The following RHBDD3 variants were observed in gnomAD, a reference collection of about 807,000 sequenced individuals.
The protein encoded by RHBDD3 is rhomboid domain-containing protein 3.
A neutral mutation model predicts 32.3 loss-of-function variants in RHBDD3; 34 were observed. That is an observed-to-expected ratio of 1.05 (90% confidence interval 0.80 to 1.40). The LOEUF (loss-of-function observed/expected upper bound fraction) is 1.40. RHBDD3 is among the 40% of genes most tolerant of loss of function. The pLI, the probability that RHBDD3 is intolerant of heterozygous loss-of-function variation, is 0.00. For missense variants in RHBDD3, 482 were observed against 492.6 expected (o/e 0.98, Z 0.20); for synonymous variants, 249 against 239.1 (o/e 1.04, Z -0.38).
chr22:29,265,712 T>C (rs2058169055), intron 2 of RHBDD3, 44 bp from the exon 3 acceptor site: 4 of 1,475,238 alleles, frequency 2.7e-6, no homozygotes, highest in Non-Finnish European at 3.6e-6. Context: ...CTGGAGCTTT[T>C]ATCTCACCAA....
chr22:29,261,320 C>A (rs994744429), intron 4 of RHBDD3: 1 of 472,260 alleles, frequency 2.1e-6, no homozygotes, highest in East Asian at 6.9e-5. Flanking sequence ...TAGGGCTGGA[C>A]GCAGTGGCTC....
Position 29,260,839 on chromosome 22 carries a change from C to T in RHBDD3, c.558G>A (p.Leu186=). Residue 186 remains leucine, a synonymous_variant, in exon 5 of 7, where the codon CTG becomes CTA. Transcript: ENST00000216085. ...CCTGCAGCCGTCGCTCTGAGGGTTC[C>T]AGCCACCGGAAGGCCCCAGCTGCAT... ...LAYAAGAFRW[L]EPSERRLQVL... 1 of 1,598,322 alleles carries T rather than the reference C, an allele frequency of 6.3e-7. No homozygotes were observed.
chr22:29,263,814 C>G, intron 4 of RHBDD3, 21 bp downstream of exon 4: 1 of 1,501,218 alleles, frequency 6.7e-7, no homozygotes, highest in Admixed American at 2.2e-5. Context: ...CCCACGGGCC[C>G]TGGGCTCAGG....
rs2058150857 is a variant in RHBDD3 at position 29,264,113 on chromosome 22, C to T, written c.254G>A (p.Gly85Asp). Residue 85 changes from glycine to aspartate, a missense_variant, in exon 4 of 7, where the codon GGC becomes GAC. Coordinates refer to ENST00000216085, the MANE Select transcript of RHBDD3 (RefSeq NM_012265.3). Reference sequence around the variant, plus strand: ...TGAGGCATGCAGGAATCTCAGCGTGCCCAGGTGGCACTCCTGCTGCCAGCC... The same window carrying T: ...TGAGGCATGCAGGAATCTCAGCGTGTCCAGGTGGCACTCCTGCTGCCAGCC... ...TVGWQQECHL[G>D]TLRFLHASAL... is the part of the protein sequence containing the mutation. The T allele has an allele frequency of 6.9e-6, 11 of 1,585,730 alleles. No homozygotes were observed. The highest frequency in any genetic ancestry group is 1.3e-5 in the African/African-American group (1 of 74,610).
At chr22:29,265,771 C>A (rs2058169684) in intron 2 of RHBDD3, 103 bp from the exon 3 acceptor site, 4 of 1,213,246 alleles carry the variant, frequency 3.3e-6, no homozygotes, top group Non-Finnish European at 4.4e-6. Context: ...GAGGTGGAAA[C>A]AGGCTGGAGA....
rs748087838 is a variant in RHBDD3, at chr22:29,265,539, G to GC, written c.87dup (p.Leu30AlafsTer108). On this transcript the variant is annotated frameshift_variant, in exon 3 of 7. Transcript: ENST00000216085. LOFTEE classifies it high-confidence loss of function. ...ACCAGGCCGGGGCCGGCCCCCACCAGCCACAGGGTGCTCATCAGCAGCATC... is the reference window on the plus strand; with the variant it reads ...ACCAGGCCGGGGCCGGCCCCCACCAGCCCACAGGGTGCTCATCAGCAGCATC... The GC allele has an allele frequency of 1.8e-5, 28 of 1,584,656 alleles. No homozygotes were observed. The highest frequency in any genetic ancestry group is 2.1e-5 in the Non-Finnish European group (25 of 1,169,482).
rs757642629 is a variant in RHBDD3, at chr22:29,263,913, GCAGCCACGGCGA to G, written c.442_453del (p.Ser148_Leu151del). The G allele has an allele frequency of 1.3e-6, 2 of 1,549,432 alleles. No homozygotes were observed. The highest frequency in any genetic ancestry group is 8.7e-7 in the Non-Finnish European group (1 of 1,147,034). On this transcript the variant is annotated inframe_deletion, in exon 4 of 7. Coordinates refer to ENST00000216085, the MANE Select transcript of RHBDD3 (RefSeq NM_012265.3). ...CTGAGCAGTGGGGTCAGGGCAAGCA[GCAGCCACGGCGA>G]CAGCCACGGTGGCAGTGCCCCACGG... is the stretch of plus-strand genomic sequence containing the variant.
intron 2 of RHBDD3, among the ~76,000 whole-genome samples, chr22:29,266,542 C>A (rs945174769): frequency 6.6e-6 from 1 of 152,244 alleles, no homozygotes; most frequent in Non-Finnish European, 1.5e-5. Flanking sequence ...ACTGGCCCAT[C>A]GAGAAGGCCT....
In RHBDD3 at chr22:29,260,371, G is replaced by C. The variant is rs1186418330; in HGVS notation, c.938C>G (p.Pro313Arg). 1 of 1,612,430 alleles carries C rather than the reference G, an allele frequency of 6.2e-7. No individual in the cohort carries two copies. The highest frequency in any genetic ancestry group is 8.5e-7 in the Non-Finnish European group (1 of 1,179,656). Residue 313 changes from proline to arginine, a missense_variant, in exon 6 of 7, where the codon CCC becomes CGC. Physicochemically the swap from Pro to Arg is moderately radical, Grantham distance 103. Transcript: ENST00000216085. ...ASLLDGPAQEPQSAPWLSKSS... is the reference protein window; with the variant it reads ...ASLLDGPAQERQSAPWLSKSS... Reference sequence around the variant, plus strand: ...CTTGGACAGCCATGGTGCGCTCTGGGGTTCCTGGGCTGGCCCGTCAAGAAG... The same window carrying C: ...CTTGGACAGCCATGGTGCGCTCTGGCGTTCCTGGGCTGGCCCGTCAAGAAG...
Position 29,264,223 on chromosome 22 carries a change from G to C in RHBDD3, c.149-5C>G, listed in dbSNP as rs758249087. On this transcript the variant is annotated splice_region_variant and splice_polypyrimidine_tract_variant and intron_variant, in intron 3 of 6. Coordinates refer to ENST00000216085, the MANE Select transcript of RHBDD3 (RefSeq NM_012265.3). ...CATGGGTCAGCAGCCGGTGCACTGG[G>C]AGAGAGAAGGGGCTTATGTGCCAGG... The C allele has an allele frequency of 1.3e-6, 2 of 1,523,462 alleles. No individual in the cohort carries two copies. The highest frequency in any genetic ancestry group is 4.6e-5 in the East Asian group (2 of 43,746). 94.4% of individuals were successfully genotyped at this position (1,523,462 alleles called of 1,614,324 possible).
chr22:29,265,879 A>G (rs1294982851), intron 2 of RHBDD3, among the ~76,000 whole-genome samples: 1 of 152,080 alleles, frequency 6.6e-6, no homozygotes, highest in African/African-American at 2.4e-5. Context: ...AAGGACTGGC[A>G]GGGGACAGGC....
Position 29,260,846 on chromosome 22 carries a change from C to T in RHBDD3, c.551G>A (p.Arg184Gln), listed in dbSNP as rs376842741. 2.4e-5 allele frequency: 39 copies of T among 1,593,510 alleles called. No homozygotes were observed. In the Admixed American group the frequency reaches 2.8e-4, roughly 11 times the overall value. The change falls in exon 5 of 7, where the codon CGG becomes CAG. Residue 184 changes from arginine (R) to glutamine (Q), a missense_variant. By Grantham distance (43) the Arg-to-Gln change is conservative (BLOSUM62 1). Transcript: ENST00000216085. ...CCGTCGCTCTGAGGGTTCCAGCCACCGGAAGGCCCCAGCTGCATCTGTCTG... is the reference window on the plus strand; with the variant it reads ...CCGTCGCTCTGAGGGTTCCAGCCACTGGAAGGCCCCAGCTGCATCTGTCTG... The part of the protein sequence containing the change: ...AGLAYAAGAF[R>Q]WLEPSERRLQ...
chr22:29,263,778 G>T, intron 4 of RHBDD3, 57 bp downstream of exon 4: 3 of 1,460,080 alleles, frequency 2.1e-6, no homozygotes, highest in Non-Finnish European at 2.7e-6. Flanking sequence ...TCCTTCCCAG[G>T]CACCCACCCA....
rs1228113295 is a variant in RHBDD3, at chr22:29,260,359, G to C, written c.950C>G (p.Pro317Arg). Residue 317 changes from proline to arginine, a missense_variant, in exon 6 of 7, where the codon CCA becomes CGA. Pro to Arg is a moderately radical substitution (Grantham distance 103, BLOSUM62 -2). Coordinates refer to ENST00000216085, the MANE Select transcript of RHBDD3 (RefSeq NM_012265.3). ...GGAGACAGAGGACTTGGACAGCCAT[G>C]GTGCGCTCTGGGGTTCCTGGGCTGG... Reference protein sequence around the residue: ...DGPAQEPQSAPWLSKSSVSSL... With the variant: ...DGPAQEPQSARWLSKSSVSSL... 1 of 1,611,760 alleles carries C rather than the reference G, an allele frequency of 6.2e-7. No individual in the cohort carries two copies. Among genetic ancestry groups the C allele is most frequent in the East Asian group, 2.2e-5 (1 of 44,866 alleles).
At chr22:29,262,715 C>CT (rs942115182) in intron 4 of RHBDD3, among the ~76,000 whole-genome samples, 170 of 151,068 alleles carry the variant, frequency 1.1e-3, no homozygotes, top group African/African-American at 3.6e-3. Flanking sequence ...TTTTAATTTT[C>CT]TTTTTTTTTG....
chr22:29,261,509 G>A (rs1469109909), intron 4 of RHBDD3: 3 of 364,164 alleles, frequency 8.2e-6, no homozygotes, highest in Admixed American at 3.3e-5. Flanking sequence ...CAAGAGGATC[G>A]CTTGAGCCCA....
intron 2 of RHBDD3, among the ~76,000 whole-genome samples, chr22:29,266,472 ACTCTTC>A (rs763550858): frequency 1.3e-5 from 2 of 152,122 alleles, no homozygotes; most frequent in Non-Finnish European, 2.9e-5. Context: ...CTGGCCCACA[ACTCTTC>A]CTCCATAAAC....
chr22:29,264,316 C>A (rs2058153760), intron 3 of RHBDD3, 98 bp from the exon 4 acceptor site: 2 of 1,433,826 alleles, frequency 1.4e-6, no homozygotes, highest in South Asian at 3.1e-5. Flanking sequence ...ACCAGGGCCA[C>A]CTGCTGAGCC....
rs2058168136 is a variant in RHBDD3, at chr22:29,265,632, G to T, written c.-6C>A. 6.3e-7 allele frequency: 1 copy of T among 1,580,760 alleles called. No homozygotes were observed. The highest frequency in any genetic ancestry group is 8.6e-7 in the Non-Finnish European group (1 of 1,168,102). ...TGGGGGCCCCTGGCATGCATCGCTTGGTTGAGGACGGTCAAGGGTGGTCCT... is the reference window on the plus strand; with the variant it reads ...TGGGGGCCCCTGGCATGCATCGCTTTGTTGAGGACGGTCAAGGGTGGTCCT... On this transcript the variant is annotated 5_prime_UTR_variant, in exon 3 of 7. Coordinates refer to ENST00000216085, the MANE Select transcript of RHBDD3 (RefSeq NM_012265.3).
Sources: allele counts gnomAD v4.1 joint callset (sites outside exome capture counted in the v4.1 genomes callset), GRCh38; gene constraint gnomAD v4.1.1; transcripts MANE v1.5; gene names NCBI Gene and HGNC (gene_info 2026-07-23, HGNC 2026-07-21).